ATAD2B: variants seen among roughly 807,000 people sequenced by gnomAD.
ATAD2B encodes ATPase family AAA domain containing 2B.
In ATAD2B, 40 loss-of-function variants were observed where a neutral mutation model predicts 167.6. The observed-to-expected ratio is 0.24, with a 90% CI of 0.19 to 0.31. ATAD2B has a LOEUF of 0.31. ATAD2B is among the 10% of genes least tolerant of loss of function. The pLI, the probability that ATAD2B is intolerant of heterozygous loss-of-function variation, is 1.00. For synonymous variants in ATAD2B, 579 were observed against 596.5 expected, an observed-to-expected ratio of 0.97 and a Z score of 0.43; for missense variants, 1,242 against 1,757.2, an observed-to-expected ratio of 0.71 and a Z score of 5.24.
chr2:23,777,376 A>C (rs548132026), intron 22 of ATAD2B, among the ~76,000 whole-genome samples: 2 of 151,870 alleles, frequency 1.3e-5, no homozygotes, highest in Non-Finnish European at 2.9e-5. Context: ...CTATATCTAT[A>C]TCTATATCTA....
the ATAD2B span, chr2:23,693,261 G>A: frequency 1.6e-5 from 24 of 1,538,860 alleles, no homozygotes; most frequent in East Asian, 3.2e-4. Flanking sequence ...CTGCGCTGTC[G>A]CCCCCAGAGA....
At chr2:23,901,372 C>T (rs78424918) in intron 1 of ATAD2B, among the ~76,000 whole-genome samples, 1,723 of 109,192 alleles carry the variant, frequency 0.016, 33 homozygotes, top group African/African-American at 0.037. Context: ...TTTTTTTTTT[C>T]TTCATGAAAT....
chr2:23,817,025 T>G (rs566063437), intron 17 of ATAD2B, among the ~76,000 whole-genome samples: 2 of 152,324 alleles, frequency 1.3e-5, no homozygotes, highest in East Asian at 3.9e-4. Flanking sequence ...TCTGCATTGA[T>G]CTGTAATGCT....
At chr2:23,696,018 G>T in the ATAD2B span, 7 of 1,551,606 alleles carry the variant, frequency 4.5e-6, no homozygotes, top group Non-Finnish European at 6.1e-6. This position sits in a 1 kb window ranked among gnomAD's most constrained non-coding sequence, Gnocchi z 5.5. Context: ...GCTCGCTGGT[G>T]GCCGTCACCT....
chr2:23,772,472 C>G (rs923252047), intron 22 of ATAD2B, among the ~76,000 whole-genome samples: 2 of 151,974 alleles, frequency 1.3e-5, no homozygotes, highest in African/African-American at 4.8e-5. Flanking sequence ...CTTTCTACCT[C>G]GGCTTGAATG....
the ATAD2B span, among the ~76,000 whole-genome samples, chr2:23,732,229 T>C: frequency 6.6e-6 from 1 of 152,188 alleles, no homozygotes; most frequent in Non-Finnish European, 1.5e-5. Flanking sequence ...GGAAATTCAA[T>C]AGATCAAAAC....
the ATAD2B span, among the ~76,000 whole-genome samples, chr2:23,700,060 G>A: frequency 1.3e-5 from 2 of 152,106 alleles, no homozygotes; most frequent in East Asian, 1.9e-4. This position sits in a 1 kb window ranked among gnomAD's most constrained non-coding sequence, Gnocchi z 4.6. Flanking sequence ...TGGACTCCAC[G>A]TTCCCTCTGC....
rs771470947 is a variant in ATAD2B at position 23,886,930 on chromosome 2, C to CAA, written c.572+900_572+901dup. The stretch of plus-strand genomic sequence containing the variant: ...TGGGTGACAGAGCGAGACTCCATCT[C>CAA]AAAAAAAAAAAAAGGGAAAAAGAAA... On this transcript the variant is annotated intron_variant, in intron 4 of 27. Coordinates refer to ENST00000238789, the MANE Select transcript of ATAD2B (RefSeq NM_017552.4). 2.7e-4 allele frequency among the ~76,000 whole-genome samples: 31 copies of CAA among 116,426 alleles called. No homozygotes were observed. In the South Asian group the frequency reaches 4.7e-3, roughly 18 times the overall value. 76.4% of individuals were successfully genotyped at this position (116,426 alleles called of 152,430 possible).
rs147078652 is a variant in ATAD2B at position 23,769,852 on chromosome 2, T to C, written c.3134-4224A>G. The stretch of plus-strand genomic sequence containing the variant: ...GTGTGTGCCACCCCACCCAGCTGAT[T>C]TTTGTATATTTAGTAGAGACAGGGA... On this transcript the variant is annotated intron_variant, in intron 22 of 27. Coordinates refer to ENST00000238789, the MANE Select transcript of ATAD2B (RefSeq NM_017552.4). 5.2e-3 allele frequency among the ~76,000 whole-genome samples: 786 copies of C among 151,440 alleles called. 4 individuals carry two copies. The highest frequency in any genetic ancestry group is 0.017 in the African/African-American group (692 of 41,328).
chr2:23,874,751 A>T (rs1189919482), intron 8 of ATAD2B, among the ~76,000 whole-genome samples: 1 of 151,926 alleles, frequency 6.6e-6, no homozygotes, highest in Non-Finnish European at 1.5e-5. Flanking sequence ...ACTTTCTTCT[A>T]CATGTAAAAG....
intron 6 of ATAD2B, 104 bp downstream of exon 6, chr2:23,884,661 C>A: frequency 1.8e-6 from 1 of 570,400 alleles, no homozygotes; most frequent in Non-Finnish European, 2.9e-6. Context: ...CCTCAAAATC[C>A]AAAAACCAAC....
chr2:23,766,600 T>C (rs1044724215), intron 22 of ATAD2B, among the ~76,000 whole-genome samples: 1 of 152,194 alleles, frequency 6.6e-6, no homozygotes, highest in East Asian at 1.9e-4. Context: ...ACAAATGTTG[T>C]CGACTGCACC....
intron 17 of ATAD2B, among the ~76,000 whole-genome samples, chr2:23,818,325 A>G (rs1336138720): frequency 2.1e-5 from 3 of 141,074 alleles, no homozygotes; most frequent in Admixed American, 7.2e-5. Context: ...AGAGAGAGAC[A>G]GAGAGACACA....
At chr2:23,716,017 G>C in the ATAD2B span, among the ~76,000 whole-genome samples, 1 of 152,106 alleles carries the variant, frequency 6.6e-6, no homozygotes, top group African/African-American at 2.4e-5. Flanking sequence ...TGTTCTGTTT[G>C]CAAAGTCCTG....
chr2:23,727,750 C>G, the ATAD2B span, among the ~76,000 whole-genome samples: 1 of 151,386 alleles, frequency 6.6e-6, no homozygotes, highest in African/African-American at 2.4e-5. Flanking sequence ...AATGAGCTAT[C>G]AAGCCACAAA....
chr2:23,702,604 G>A, the ATAD2B span, among the ~76,000 whole-genome samples: 5 of 152,158 alleles, frequency 3.3e-5, no homozygotes, highest in African/African-American at 7.2e-5. Context: ...TCAAGGCCCA[G>A]CCTGGGTATC....
the ATAD2B span, among the ~76,000 whole-genome samples, chr2:23,710,487 AAAC>A: frequency 7.3e-4 from 111 of 152,350 alleles, no homozygotes; most frequent in African/African-American, 2.6e-3. Flanking sequence ...CTGTCAACCA[AAAC>A]AACGCTTTTA....
At chr2:23,719,453 C>G in the ATAD2B span, among the ~76,000 whole-genome samples, 1 of 152,162 alleles carries the variant, frequency 6.6e-6, no homozygotes, top group Admixed American at 6.5e-5. Flanking sequence ...AAGCTTGTTT[C>G]ACTTCCCCCA....
chr2:23,754,675 G>A lies in ATAD2B; in HGVS notation c.4178C>T (p.Pro1393Leu). The change falls in exon 26 of 28, where the codon CCT becomes CTT. Residue 1393 changes from proline to leucine, a missense_variant. By Grantham distance (98) the Pro-to-Leu change is moderately conservative. Around this residue, in one of 9 missense-constraint regions of ATAD2B, gnomAD observed 282 missense variants for 346.8 expected, o/e 0.81. Coordinates refer to ENST00000238789, the MANE Select transcript of ATAD2B (RefSeq NM_017552.4). ...CAATCTCTCACGATCAACTATAAGA[G>A]GAGGCACAGGCTCAGATGGCTCTTC... ...VPEEPSEPVP[P>L]LIVDRERLKK... The A allele has an allele frequency of 6.2e-7, 1 of 1,612,976 alleles. No individual in the cohort carries two copies. Among genetic ancestry groups the A allele is most frequent in the Non-Finnish European group, 8.5e-7 (1 of 1,179,302 alleles).
Sources: gnomAD v4.1 joint callset for allele counts (sites outside exome capture counted in the v4.1 genomes callset) on GRCh38, gnomAD v4.1.1 for gene constraint, gnomAD v4.1.1 regional missense constraint, Gnocchi (gnomAD v3.1) non-coding constraint, MANE v1.5 for transcripts, NCBI Gene and HGNC (gene_info 2026-07-23, HGNC 2026-07-21) for gene names.